The following EYS variants were observed in gnomAD, a reference collection of about 807,000 sequenced individuals.
The protein encoded by EYS is protein eyes shut homolog.
In EYS, 250 loss-of-function variants were observed where a neutral mutation model predicts 282.1. The ratio of observed to expected loss-of-function variants is 0.89; its 90% CI spans 0.80 to 0.98. EYS has a LOEUF of 0.98. EYS is among the 50% of genes least tolerant of loss of function. The pLI, the probability that EYS is intolerant of heterozygous loss-of-function variation, is 0.00. For synonymous variants in EYS, 1,355 were observed against 1,282.9 expected, an observed-to-expected ratio of 1.06 and a Z score of -1.20; for missense variants, 4,016 against 3,709.0, an observed-to-expected ratio of 1.08 and a Z score of -2.15.
intron 30 of EYS, among the ~76,000 whole-genome samples, chr6:64,268,217 G>C (rs1437682115): frequency 6.6e-6 from 1 of 151,920 alleles, no homozygotes; most frequent in Non-Finnish European, 1.5e-5. Flanking sequence ...GTACTGATAT[G>C]AAAAGTCTCC....
chr6:64,166,730 T>G (rs1202273025), intron 31 of EYS, among the ~76,000 whole-genome samples: 1 of 152,212 alleles, frequency 6.6e-6, no homozygotes, highest in African/African-American at 2.4e-5. Flanking sequence ...GTTCTTTCAT[T>G]CAACTTCGGA....
At chr6:65,574,091 G>C (rs974790293) in intron 2 of EYS, among the ~76,000 whole-genome samples, 1 of 152,088 alleles carries the variant, frequency 6.6e-6, no homozygotes, top group African/African-American at 2.4e-5. Flanking sequence ...TGCTATTACT[G>C]CCCCAGTTCC....
chr6:65,565,954 G>T (rs371290915), intron 2 of EYS, among the ~76,000 whole-genome samples: 9 of 151,964 alleles, frequency 5.9e-5, no homozygotes, highest in African/African-American at 2.4e-5. Context: ...GTTGTGGGGT[G>T]GGGGGCTAGA....
At chr6:64,945,269 A>G (rs949808983) in intron 15 of EYS, among the ~76,000 whole-genome samples, 5 of 152,028 alleles carry the variant, frequency 3.3e-5, no homozygotes, top group African/African-American at 1.2e-4. Context: ...ATAAACACCT[A>G]CTCAGAATTT....
intron 32 of EYS, among the ~76,000 whole-genome samples, chr6:64,066,764 A>G (rs769748661): frequency 1.2e-4 from 18 of 152,118 alleles, no homozygotes; most frequent in Non-Finnish European, 7.4e-5. Context: ...ACTATTTTAA[A>G]CCTGTTTCCC....
chr6:64,994,410 A>C (rs72875975), intron 14 of EYS, among the ~76,000 whole-genome samples: 10,292 of 152,190 alleles, frequency 0.068, 441 homozygotes, highest in East Asian at 0.13. Context: ...AAAGCTATAC[A>C]CATACCAGGT....
At chr6:65,337,890 T>C (rs370228386) in intron 10 of EYS, among the ~76,000 whole-genome samples, 3 of 150,958 alleles carry the variant, frequency 2.0e-5, no homozygotes, top group South Asian at 4.2e-4. Context: ...TAACAAGGAA[T>C]ATTAGTATGA....
intron 22 of EYS, among the ~76,000 whole-genome samples, chr6:64,766,647 A>AC (rs1475174051): frequency 8.4e-5 from 1 of 11,956 alleles, no homozygotes; most frequent in African/African-American, 2.0e-4. Context: ...AAAAAAAAAA[A>AC]AAATATATAT....
chr6:64,151,327 A>ATATATATATATATATT lies in EYS; in HGVS notation c.6425-69326_6425-69325insAATATATATATATATA, dbSNP rs1562226642. Among the ~76,000 whole-genome samples, 85 of 86,250 alleles carry ATATATATATATATATT rather than the reference A, an allele frequency of 9.9e-4. 2 individuals carry two copies. The highest frequency in any genetic ancestry group is 5.4e-3 in the African/African-American group (81 of 15,118). The allele number at this position is 86,250 out of a possible 152,430, so 56.6% of individuals were successfully genotyped here. The stretch of plus-strand genomic sequence containing the variant: ...TGTGTGTGTGTATATTTATATATAT[A>ATATATATATATATATT]TATATATATATATATATATATATAT... On this transcript the variant is annotated intron_variant, in intron 31 of 42. Coordinates refer to ENST00000503581, the MANE Select transcript of EYS (RefSeq NM_001142800.2).
chr6:64,714,516 C>CTTTTTTT (rs55730437), intron 22 of EYS, among the ~76,000 whole-genome samples: 1 of 127,916 alleles, frequency 7.8e-6, no homozygotes, highest in African/African-American at 3.0e-5. Context: ...TTCTTTCTTT[C>CTTTTTTT]TTTTTTTTTT....
intron 22 of EYS, among the ~76,000 whole-genome samples, chr6:64,673,188 C>G (rs963730872): frequency 6.6e-6 from 1 of 152,000 alleles, no homozygotes; most frequent in Non-Finnish European, 1.5e-5. Context: ...ATATACCTCA[C>G]TATCTTGATA....
chr6:63,921,674 G>A (rs1209953054), intron 35 of EYS, among the ~76,000 whole-genome samples: 1 of 152,114 alleles, frequency 6.6e-6, no homozygotes, highest in African/African-American at 2.4e-5. Flanking sequence ...TTCCTCACAG[G>A]GATGATGTAA....
At chr6:64,083,239 G>T (rs959540552) in intron 31 of EYS, among the ~76,000 whole-genome samples, 1 of 152,032 alleles carries the variant, frequency 6.6e-6, no homozygotes, top group African/African-American at 2.4e-5. Flanking sequence ...TCACAATGGG[G>T]GGAATTTTCT....
chr6:65,001,009 C>A (rs1223745426), intron 13 of EYS, among the ~76,000 whole-genome samples: 1 of 152,178 alleles, frequency 6.6e-6, no homozygotes, highest in Non-Finnish European at 1.5e-5. Context: ...GGGAGGGGGA[C>A]CACGCAGATA....
At chr6:64,584,289 G>A (rs529190133) in intron 26 of EYS, among the ~76,000 whole-genome samples, 1 of 151,934 alleles carries the variant, frequency 6.6e-6, no homozygotes, top group African/African-American at 2.4e-5. Context: ...ATTTAGAATA[G>A]GTTGTATACA....
intron 30 of EYS, among the ~76,000 whole-genome samples, chr6:64,275,852 C>A (rs1768099395): frequency 6.6e-6 from 1 of 151,580 alleles, no homozygotes; most frequent in Admixed American, 6.6e-5. Context: ...ATAGTCCCAG[C>A]TACTTGGGAG....
At chr6:64,341,406 G>A (rs1304134998) in intron 29 of EYS, among the ~76,000 whole-genome samples, 2 of 151,760 alleles carry the variant, frequency 1.3e-5, no homozygotes, top group African/African-American at 4.8e-5. Flanking sequence ...GCATGGATAT[G>A]GCTGGAGGCC....
At chr6:64,784,736 AC>A in intron 22 of EYS, among the ~76,000 whole-genome samples, 1 of 152,128 alleles carries the variant, frequency 6.6e-6, no homozygotes. Context: ...ACCACTTTTC[AC>A]ACAGACTGGC....
chr6:65,112,012 G>A (rs115312155), intron 12 of EYS, among the ~76,000 whole-genome samples: 2,949 of 152,194 alleles, frequency 0.019, 99 homozygotes, highest in African/African-American at 0.067. Context: ...CTCCGCTTGA[G>A]ATATGAGATA....
Sources: allele counts gnomAD v4.1 joint callset (sites outside exome capture counted in the v4.1 genomes callset), GRCh38; gene constraint gnomAD v4.1.1; transcripts MANE v1.5; gene names NCBI Gene and HGNC (gene_info 2026-07-23, HGNC 2026-07-21).